TTLL5: variants seen among roughly 807,000 people sequenced by gnomAD.
The protein encoded by TTLL5 is tubulin polyglutamylase TTLL5.
In TTLL5, 132 loss-of-function variants were observed where a neutral mutation model predicts 168.4. The ratio of observed to expected loss-of-function variants is 0.78; its 90% confidence interval spans 0.68 to 0.91. The LOEUF is 0.91. Among genes scored for constraint, TTLL5 ranks in the 40% least tolerant of loss-of-function variants. TTLL5 has a pLI of 0.00. For synonymous variants in TTLL5, 546 were observed against 558.6 expected, an observed-to-expected ratio of 0.98 and a Z score of 0.32; for missense variants, 1,545 against 1,581.5, an observed-to-expected ratio of 0.98 and a Z score of 0.39.
intron 31 of TTLL5, among the ~76,000 whole-genome samples, chr14:75,907,591 C>T (rs933289816): frequency 6.6e-6 from 1 of 152,196 alleles, no homozygotes; most frequent in Non-Finnish European, 1.5e-5. Context: ...GATTCATTTA[C>T]ATTGGATCAG....
At chr14:75,750,721 G>A (rs1303306342) in intron 17 of TTLL5, among the ~76,000 whole-genome samples, 1 of 152,052 alleles carries the variant, frequency 6.6e-6, no homozygotes, top group Non-Finnish European at 1.5e-5. Context: ...TTGTTCAAGG[G>A]TCAACTATAT....
At chr14:75,739,371 TC>T (rs1177974385) in intron 15 of TTLL5, among the ~76,000 whole-genome samples, 1 of 152,180 alleles carries the variant, frequency 6.6e-6, no homozygotes, top group Non-Finnish European at 1.5e-5. Flanking sequence ...AACGAAGCAC[TC>T]TTAACTTCAC....
At chr14:75,721,774 G>A (rs1285613954) in intron 12 of TTLL5, among the ~76,000 whole-genome samples, 2 of 152,050 alleles carry the variant, frequency 1.3e-5, no homozygotes, top group Non-Finnish European at 2.9e-5. Flanking sequence ...AAAATTATTT[G>A]TTATTTTTGT....
At chr14:75,813,991 C>A (rs1670993508) in intron 27 of TTLL5, among the ~76,000 whole-genome samples, 1 of 152,172 alleles carries the variant, frequency 6.6e-6, no homozygotes, top group Non-Finnish European at 1.5e-5. Flanking sequence ...CTATGACCTC[C>A]ACTTTAATAT....
At chr14:75,905,750 A>G (rs1259669316) in intron 31 of TTLL5, among the ~76,000 whole-genome samples, 1 of 152,144 alleles carries the variant, frequency 6.6e-6, no homozygotes, top group Non-Finnish European at 1.5e-5. Context: ...GATAACTGAC[A>G]TTTCTCTCAT....
At chr14:75,720,081 T>C (rs182730263) in intron 11 of TTLL5, among the ~76,000 whole-genome samples, 20 of 152,322 alleles carry the variant, frequency 1.3e-4, no homozygotes, top group African/African-American at 3.6e-4. Flanking sequence ...TTCTTGAATG[T>C]TGAACTGCTG....
At chr14:75,909,546 A>AG (rs2033283584) in intron 31 of TTLL5, among the ~76,000 whole-genome samples, 4 of 152,020 alleles carry the variant, frequency 2.6e-5, no homozygotes, top group Admixed American at 2.6e-4. Flanking sequence ...GTCAGAATAA[A>AG]CGATACCTTC....
intron 27 of TTLL5, among the ~76,000 whole-genome samples, chr14:75,795,424 C>T (rs1019759501): frequency 4.6e-5 from 7 of 151,938 alleles, no homozygotes; most frequent in Non-Finnish European, 8.8e-5. Flanking sequence ...GGGGTACATA[C>T]GATTTTTTTT....
At chr14:75,850,235 C>T (rs1489483655) in intron 28 of TTLL5, among the ~76,000 whole-genome samples, 6 of 150,212 alleles carry the variant, frequency 4.0e-5, no homozygotes, top group East Asian at 3.9e-4. Flanking sequence ...GGAGAAACCC[C>T]GTCTCTACTA....
At chr14:75,883,386 G>C (rs1018261904) in intron 30 of TTLL5, among the ~76,000 whole-genome samples, 2 of 152,210 alleles carry the variant, frequency 1.3e-5, no homozygotes, top group Non-Finnish European at 2.9e-5. Context: ...ATCCTTCACT[G>C]TATCTCCAGC....
intron 27 of TTLL5, among the ~76,000 whole-genome samples, chr14:75,797,124 A>T (rs1429271933): frequency 2.0e-5 from 3 of 152,080 alleles, no homozygotes; most frequent in Non-Finnish European, 4.4e-5. Context: ...TTCCTTGTAG[A>T]GGTCTTTCAC....
intron 31 of TTLL5, among the ~76,000 whole-genome samples, chr14:75,922,740 TC>T (rs1174094968): frequency 6.6e-6 from 1 of 152,220 alleles, no homozygotes; most frequent in East Asian, 1.9e-4. Context: ...GATGCTGGCG[TC>T]ATAAAATGAG....
chr14:75,873,178 A>G (rs917140192), intron 29 of TTLL5, among the ~76,000 whole-genome samples: 3 of 147,788 alleles, frequency 2.0e-5, no homozygotes, highest in African/African-American at 7.5e-5. Flanking sequence ...GGTTCACGCC[A>G]TTCTCCTGCC....
intron 31 of TTLL5, among the ~76,000 whole-genome samples, chr14:75,946,650 G>A (rs2034783304): frequency 6.6e-6 from 1 of 151,866 alleles, no homozygotes; most frequent in Non-Finnish European, 1.5e-5. Context: ...GTGGAGCAGT[G>A]AGCAAAACAG....
At position 75,954,648 on chromosome 14, in the gene TTLL5, T is replaced by TAC. The variant is rs2035057762; in HGVS notation, c.*202_*203insAC. 4 of 608,906 alleles carry TAC rather than the reference T, an allele frequency of 6.6e-6. No individual in the cohort carries two copies. Among genetic ancestry groups the TAC allele is most frequent in the Non-Finnish European group, 1.2e-5 (4 of 344,748 alleles). 37.7% of individuals were successfully genotyped at this position (608,906 alleles called of 1,614,324 possible). ...CACTGGGACAACAAGAAAGCAGATCTTCTGGGTTTTGATGGAACTTGGCAG... is the reference window on the plus strand; with the variant it reads ...CACTGGGACAACAAGAAAGCAGATCTACTCTGGGTTTTGATGGAACTTGGCAG... On this transcript the variant is annotated 3_prime_UTR_variant, in exon 32 of 32. Transcript: ENST00000298832.
At chr14:75,882,618 G>A in intron 29 of TTLL5, 67 bp from the exon 30 acceptor site, 2 of 1,413,852 alleles carry the variant, frequency 1.4e-6, no homozygotes, top group Non-Finnish European at 1.9e-6. Flanking sequence ...TTACAGACTA[G>A]TTACATACAG....
At chr14:75,877,827 C>T (rs1254460878) in intron 29 of TTLL5, among the ~76,000 whole-genome samples, 2 of 152,222 alleles carry the variant, frequency 1.3e-5, no homozygotes. Flanking sequence ...CAGTACAGGA[C>T]TCTCAGGGTG....
chr14:75,845,969 CA>C (rs1212245884), intron 28 of TTLL5, among the ~76,000 whole-genome samples: 1 of 151,594 alleles, frequency 6.6e-6, no homozygotes, highest in Non-Finnish European at 1.5e-5. Context: ...TTTCTGTGAA[CA>C]AAAATGAAAA....
At chr14:75,705,786 T>TC (rs1165679114) in intron 7 of TTLL5, among the ~76,000 whole-genome samples, 1 of 152,192 alleles carries the variant, frequency 6.6e-6, no homozygotes, top group Non-Finnish European at 1.5e-5. Flanking sequence ...CACTACCACT[T>TC]CCCTTTTGGA....
Sources: allele counts gnomAD v4.1 joint callset (sites outside exome capture counted in the v4.1 genomes callset), GRCh38; gene constraint gnomAD v4.1.1; transcripts MANE v1.5; gene names NCBI Gene and HGNC (gene_info 2026-07-23, HGNC 2026-07-21).